The following CAMK1D variants were observed in gnomAD, a reference collection of about 807,000 sequenced individuals.
CAMK1D encodes the protein calcium/calmodulin-dependent protein kinase type 1D.
Under a neutral mutation model 47.7 loss-of-function variants are expected in CAMK1D, and 9 were observed. The observed-to-expected ratio is 0.19, with a 90% confidence interval of 0.11 to 0.33. The LOEUF is 0.33. Among genes scored for constraint, CAMK1D ranks in the 10% least tolerant of loss-of-function variants. The pLI is 1.00. For synonymous variants in CAMK1D, 184 were observed against 184.9 expected (o/e 0.99, Z 0.04); for missense variants, 291 against 488.7 (o/e 0.60, Z 3.81).
At chr10:12,414,463 G>A (rs376463778) in intron 1 of CAMK1D, among the ~76,000 whole-genome samples, 38 of 152,286 alleles carry the variant, frequency 2.5e-4, no homozygotes, top group African/African-American at 5.3e-4. Context: ...AACCTGGCTC[G>A]AGTTTCTGAT....
chr10:12,701,347 A>C (rs887048537), intron 3 of CAMK1D, among the ~76,000 whole-genome samples: 3 of 152,242 alleles, frequency 2.0e-5, no homozygotes, highest in Middle Eastern at 6.3e-3. Flanking sequence ...ACCAACAAAA[A>C]GCACACCAAA....
At chr10:12,810,807 A>G (rs993151913) in intron 6 of CAMK1D, among the ~76,000 whole-genome samples, 5 of 152,238 alleles carry the variant, frequency 3.3e-5, no homozygotes, top group African/African-American at 1.2e-4. Context: ...CCGACAGAAT[A>G]GGCTCAAGCC....
chr10:12,738,403 G>A (rs1360806269), intron 3 of CAMK1D, among the ~76,000 whole-genome samples: 2 of 152,176 alleles, frequency 1.3e-5, no homozygotes, highest in East Asian at 1.9e-4. Flanking sequence ...CTTTCCTGTC[G>A]TCGTTTGTCC....
intron 1 of CAMK1D, among the ~76,000 whole-genome samples, chr10:12,516,387 G>A (rs531049390): frequency 2.6e-5 from 4 of 152,304 alleles, no homozygotes; most frequent in Admixed American, 6.5e-5. Context: ...GATTACAGGC[G>A]TGAGCCACCG....
intron 1 of CAMK1D, among the ~76,000 whole-genome samples, chr10:12,460,300 G>T (rs12254017): frequency 1.5e-3 from 215 of 140,614 alleles, no homozygotes; most frequent in African/African-American, 5.5e-3. Context: ...CCACTTTCTT[G>T]CCCAGTCTGG....
intron 5 of CAMK1D, among the ~76,000 whole-genome samples, chr10:12,778,077 C>G (rs1355136474): frequency 6.6e-6 from 1 of 152,218 alleles, no homozygotes; most frequent in Non-Finnish European, 1.5e-5. Flanking sequence ...GGAAAAGCTT[C>G]CATTCCCCTC....
intron 1 of CAMK1D, among the ~76,000 whole-genome samples, chr10:12,488,314 A>G (rs1386090366): frequency 6.6e-6 from 1 of 152,152 alleles, no homozygotes; most frequent in Non-Finnish European, 1.5e-5. Context: ...GTATAGTATG[A>G]GGAAATGACT....
chr10:12,551,061 T>C (rs76527387), intron 1 of CAMK1D, among the ~76,000 whole-genome samples: 5,479 of 152,208 alleles, frequency 0.036, 334 homozygotes, highest in African/African-American at 0.12. Context: ...AAAGTAGGGG[T>C]CCCCAACCCC....
chr10:12,354,506 A>C (rs1464543308), intron 1 of CAMK1D, among the ~76,000 whole-genome samples: 5 of 150,006 alleles, frequency 3.3e-5, no homozygotes, highest in Admixed American at 2.7e-4. Flanking sequence ...GCTCACCGCA[A>C]CCTCCGCCTC....
chr10:12,444,683 G>C (rs1363230807), intron 1 of CAMK1D, among the ~76,000 whole-genome samples: 1 of 152,162 alleles, frequency 6.6e-6, no homozygotes, highest in African/African-American at 2.4e-5. Flanking sequence ...AAGGGATTTT[G>C]GAATAGATTT....
intron 1 of CAMK1D, among the ~76,000 whole-genome samples, chr10:12,360,624 A>C (rs1837630942): frequency 6.6e-6 from 1 of 152,198 alleles, no homozygotes; most frequent in South Asian, 2.1e-4. Context: ...ACTTTTTCTC[A>C]ATACTTGATT....
At chr10:12,787,868 T>A (rs1434444311) in intron 5 of CAMK1D, among the ~76,000 whole-genome samples, 1 of 151,988 alleles carries the variant, frequency 6.6e-6, no homozygotes, top group Non-Finnish European at 1.5e-5. Context: ...GGCCTGGTGG[T>A]GCACGCCTGT....
chr10:12,644,573 G>A (rs1361316907), intron 2 of CAMK1D, among the ~76,000 whole-genome samples: 1 of 152,164 alleles, frequency 6.6e-6, no homozygotes, highest in African/African-American at 2.4e-5. Flanking sequence ...TTCATGCTTA[G>A]TGGGGTTCCT....
intron 3 of CAMK1D, among the ~76,000 whole-genome samples, chr10:12,680,570 T>G (rs1486763767): frequency 6.6e-6 from 1 of 152,176 alleles, no homozygotes; most frequent in Non-Finnish European, 1.5e-5. Flanking sequence ...GGATCTCATC[T>G]CTTTGAATCC....
In CAMK1D at chr10:12,369,807, T is replaced by G. The variant is rs571498722; in HGVS notation, c.92+19897T>G. 2.3e-3 allele frequency among the ~76,000 whole-genome samples: 355 copies of G among 151,660 alleles called. 3 individuals carry two copies. Among genetic ancestry groups the G allele is most frequent in the Non-Finnish European group, 3.6e-3 (241 of 67,886 alleles). ...AACCCCGTCTCTACAAATACAAAAA[T>G]TAGCTGAGTGTGGTGGCGCGTGCCT... On this transcript the variant is annotated intron_variant, in intron 1 of 10. Transcript: ENST00000619168.
intron 1 of CAMK1D, among the ~76,000 whole-genome samples, chr10:12,366,256 G>T (rs1467393961): frequency 3.3e-5 from 5 of 152,150 alleles, no homozygotes; most frequent in Admixed American, 2.0e-4. Flanking sequence ...TTCATTTTCG[G>T]TTTTTAAGTG....
chr10:12,401,689 C>T (rs1412343038), intron 1 of CAMK1D, among the ~76,000 whole-genome samples: 2 of 151,758 alleles, frequency 1.3e-5, no homozygotes, highest in South Asian at 2.1e-4. Flanking sequence ...GTGAGCTGGG[C>T]CTGTGGCTTG....
chr10:12,766,497 T>G (rs2130921994), intron 4 of CAMK1D, among the ~76,000 whole-genome samples: 1 of 152,046 alleles, frequency 6.6e-6, no homozygotes, highest in Non-Finnish European at 1.5e-5. Flanking sequence ...GTGGCCCTTT[T>G]CTGTTGGCAC....
At chr10:12,479,794 G>A (rs1278244669) in intron 1 of CAMK1D, among the ~76,000 whole-genome samples, 1 of 152,246 alleles carries the variant, frequency 6.6e-6, no homozygotes, top group African/African-American at 2.4e-5. Flanking sequence ...CCAAGGCAAA[G>A]GGACGGGGCA....
Sources: gnomAD v4.1 joint callset for allele counts (sites outside exome capture counted in the v4.1 genomes callset) on GRCh38, gnomAD v4.1.1 for gene constraint, MANE v1.5 for transcripts, NCBI Gene and HGNC (gene_info 2026-07-23, HGNC 2026-07-21) for gene names.